Variants in MOK observed in about 807,000 individuals in gnomAD.
MOK encodes the protein MAPK/MAK/MRK overlapping kinase.
Under a neutral mutation model 54.2 loss-of-function variants are expected in MOK, and 59 were observed. The observed-to-expected ratio is 1.09, with a 90% confidence interval of 0.88 to 1.35. The LOEUF is 1.35. MOK is among the 40% of genes most tolerant of loss of function. The pLI, the probability that MOK is intolerant of heterozygous loss-of-function variation, is 0.00. For missense variants in MOK, 517 were observed against 526.2 expected (o/e 0.98, Z 0.17); for synonymous variants, 210 against 202.7 (o/e 1.04, Z -0.31).
At chr14:102,220,080 C>T (rs571879611), downstream of MOK, among the ~76,000 whole-genome samples, 2 of 152,344 alleles carry the variant, frequency 1.3e-5, no homozygotes, top group East Asian at 1.9e-4. The surrounding 1 kb of genome is among the most constrained non-coding windows in gnomAD (Gnocchi z 4.2). Flanking sequence ...TCTAGGGGTG[C>T]GGCTTTGTAG....
intron 4 of MOK, among the ~76,000 whole-genome samples, chr14:102,254,933 G>A (rs138096921): frequency 2.6e-5 from 4 of 152,200 alleles, no homozygotes; most frequent in East Asian, 1.9e-4. Context: ...AATCTTACTC[G>A]TATCATAAAA....
At chr14:102,228,561 G>A (rs759009126), downstream of MOK, among the ~76,000 whole-genome samples, 2 of 152,056 alleles carry the variant, frequency 1.3e-5, no homozygotes, top group Admixed American at 6.5e-5. Flanking sequence ...TCAGCCGGGC[G>A]TGGTGGTGCA....
chr14:102,265,412 A>G (rs1308608139), intron 3 of MOK, among the ~76,000 whole-genome samples: 1 of 152,154 alleles, frequency 6.6e-6, no homozygotes, highest in Non-Finnish European at 1.5e-5. Flanking sequence ...TGGGTGGATA[A>G]CCTGAGGTCA....
At chr14:102,299,009 T>C (rs1021632759) in intron 1 of MOK, among the ~76,000 whole-genome samples, 3 of 151,960 alleles carry the variant, frequency 2.0e-5, no homozygotes, top group Non-Finnish European at 4.4e-5. Context: ...CATCTGAACT[T>C]CAGAAGGAAC....
At chr14:102,297,366 TAATAAC>T (rs1472611801) in intron 1 of MOK, among the ~76,000 whole-genome samples, 1 of 150,202 alleles carries the variant, frequency 6.7e-6, no homozygotes, top group East Asian at 1.9e-4. Flanking sequence ...TCAAAAATAA[TAATAAC>T]AATAACAAAT....
At chr14:102,253,196 A>G (rs190429058) in intron 4 of MOK, among the ~76,000 whole-genome samples, 2 of 152,346 alleles carry the variant, frequency 1.3e-5, no homozygotes, top group African/African-American at 4.8e-5. Context: ...GTGGAAATGT[A>G]GTAATTGTAC....
chr14:102,287,778 T>A (rs2070289754), intron 1 of MOK, among the ~76,000 whole-genome samples: 1 of 151,066 alleles, frequency 6.6e-6, no homozygotes, highest in Non-Finnish European at 1.5e-5. Flanking sequence ...GAATGGAAAA[T>A]GGTGCAGACA....
At chr14:102,242,933 G>A (rs1184895121) in intron 7 of MOK, among the ~76,000 whole-genome samples, 1 of 151,964 alleles carries the variant, frequency 6.6e-6, no homozygotes, top group Non-Finnish European at 1.5e-5. Flanking sequence ...CTTTCACTTG[G>A]ACTGACCCTG....
At chr14:102,294,262 T>C (rs7155659) in intron 1 of MOK, among the ~76,000 whole-genome samples, 13,719 of 151,962 alleles carry the variant, frequency 0.09, 980 homozygotes, top group African/African-American at 0.2. Context: ...CTGGCTAACA[T>C]GGTGAAACCC....
chr14:102,300,708 A>G (rs2072093745), intron 1 of MOK, among the ~76,000 whole-genome samples: 1 of 152,206 alleles, frequency 6.6e-6, no homozygotes, highest in South Asian at 2.1e-4. Flanking sequence ...TTCACAATTT[A>G]TCATGTATCA....
intron 1 of MOK, among the ~76,000 whole-genome samples, chr14:102,293,707 A>C (rs1156518510): frequency 6.9e-6 from 1 of 145,710 alleles, no homozygotes; most frequent in Non-Finnish European, 1.5e-5. Flanking sequence ...ATCACAAAAA[A>C]AAAAAAAAAA....
intron 3 of MOK, chr14:102,263,974 G>A (rs548335701): frequency 6.0e-5 from 11 of 183,456 alleles, no homozygotes; most frequent in Admixed American, 1.9e-4. Flanking sequence ...CCAACACTTT[G>A]GGAGCCCGAG....
chr14:102,259,783 C>T (rs552251879), intron 4 of MOK, among the ~76,000 whole-genome samples: 15 of 152,268 alleles, frequency 9.9e-5, no homozygotes, highest in South Asian at 4.1e-4. Context: ...CAGTGGCTCA[C>T]GCTTGTAATC....
chr14:102,250,816 C>A lies in MOK; in HGVS notation c.586G>T (p.Ala196Ser), dbSNP rs757188060. 1 of 1,612,688 alleles carries A rather than the reference C, an allele frequency of 6.2e-7. No individual in the cohort carries two copies. The highest frequency in any genetic ancestry group is 8.5e-7 in the Non-Finnish European group (1 of 1,179,182). The stretch of plus-strand genomic sequence containing the variant: ...AGGAGCCTGGCCTGGTGCTACCTGG[C>A]GATCTCGTAGAACACACAGCCGGCG... ...WSAGCVFYEI[A>S]SLQPLFPGVN... Residue 196 changes from alanine to serine, a missense_variant, in exon 7 of 12, where the codon GCC becomes TCC. Coordinates refer to ENST00000361847, the MANE Select transcript of MOK (RefSeq NM_014226.3).
chr14:102,294,174 C>T (rs145697952), intron 1 of MOK, among the ~76,000 whole-genome samples: 1,968 of 150,698 alleles, frequency 0.013, 14 homozygotes, highest in Non-Finnish European at 0.018. Context: ...AGGCCGGGTG[C>T]GGTGGCTCAT....
chr14:102,215,458 C>CT, the MOK span, among the ~76,000 whole-genome samples: 5 of 151,970 alleles, frequency 3.3e-5, no homozygotes, highest in South Asian at 2.1e-4. Context: ...AGGCTGCTTG[C>CT]TTTTTTTTAT....
intron 1 of MOK, among the ~76,000 whole-genome samples, chr14:102,296,363 A>T (rs1461025705): frequency 6.6e-6 from 1 of 151,968 alleles, no homozygotes; most frequent in Non-Finnish European, 1.5e-5. Context: ...ATCCCATTTG[A>T]TTTTGGGTAA....
chr14:102,277,611 C>T (rs1237722630), intron 2 of MOK, among the ~76,000 whole-genome samples: 2 of 150,036 alleles, frequency 1.3e-5, no homozygotes, highest in African/African-American at 4.9e-5. Context: ...GAGCAAGACT[C>T]CGTCTCAAAA....
At chr14:102,234,050 C>A (rs977668317) in intron 7 of MOK, 5 of 352,374 alleles carry the variant, frequency 1.4e-5, no homozygotes, top group Non-Finnish European at 2.6e-5. Context: ...CCAATATAAA[C>A]CCCTCAATCT....
Sources: allele counts gnomAD v4.1 joint callset (sites outside exome capture counted in the v4.1 genomes callset), GRCh38; gene constraint gnomAD v4.1.1; non-coding constraint Gnocchi (gnomAD v3.1); transcripts MANE v1.5; gene names NCBI Gene and HGNC (gene_info 2026-07-23, HGNC 2026-07-21).